The following ATP6V1B1 variants were observed in gnomAD, a reference collection of about 807,000 sequenced individuals.
ATP6V1B1 encodes the protein V-type proton ATPase subunit B, kidney isoform.
ATP6V1B1 carries 41 observed loss-of-function variants against 62.1 expected under a neutral mutation model. The ratio of observed to expected loss-of-function variants is 0.66; its 90% CI spans 0.51 to 0.86. The LOEUF is 0.86. Ranked by LOEUF, ATP6V1B1 falls within the 40% of genes least tolerant of loss-of-function variation. The pLI is 0.00. For missense variants in ATP6V1B1, 651 were observed against 697.5 expected, an observed-to-expected ratio of 0.93 and a Z score of 0.75; for synonymous variants, 253 against 273.4, an observed-to-expected ratio of 0.93 and a Z score of 0.74.
At chr2:70,942,540 G>A in intron 1 of ATP6V1B1, 1 of 396,324 alleles carries the variant, frequency 2.5e-6, no homozygotes, top group Non-Finnish European at 4.4e-6. Context: ...GGTGGCTCGG[G>A]GCCAGGCTTG....
Position 70,963,303 on chromosome 2 carries a change from C to A in ATP6V1B1, c.1051C>A (p.Pro351Thr). 1.9e-6 allele frequency: 3 copies of A among 1,613,078 alleles called. No homozygotes were observed. The highest frequency in any genetic ancestry group is 2.5e-6 in the Non-Finnish European group (3 of 1,180,016). ...SITQIPILTM[P>T]NDDITHPIPD... ...CACACAGATCCCCATCCTCACCATG[C>A]CCAACGACGGTAGCCTCCTCACAGC... Residue 351 changes from proline to threonine, a missense_variant, in exon 10 of 14, where the codon CCC becomes ACC. Pro to Thr is a conservative substitution (Grantham distance 38, BLOSUM62 -1). Transcript: ENST00000234396. The surrounding 1 kb of genome is among the most constrained non-coding windows in gnomAD (Gnocchi z 4.3).
chr2:70,938,751 T>A, intron 1 of ATP6V1B1: 1 of 985,324 alleles, frequency 1.0e-6, no homozygotes, highest in Non-Finnish European at 1.2e-6. Context: ...GGAGGAGGTA[T>A]CCTGGAGCTT....
intron 1 of ATP6V1B1, chr2:70,942,288 C>T (rs1572907046): frequency 2.5e-6 from 1 of 399,042 alleles, no homozygotes; most frequent in East Asian, 3.6e-5. Context: ...AGGGAGATCC[C>T]CTGCTCTGGC....
At chr2:70,937,054 G>A (rs1679870844) in intron 1 of ATP6V1B1, among the ~76,000 whole-genome samples, 1 of 151,348 alleles carries the variant, frequency 6.6e-6, no homozygotes, top group South Asian at 2.1e-4. Flanking sequence ...AACCAGCATG[G>A]CCCGCCACAG....
chr2:70,943,199 C>T (rs1382798285), intron 1 of ATP6V1B1, among the ~76,000 whole-genome samples: 2 of 152,188 alleles, frequency 1.3e-5, no homozygotes, highest in Non-Finnish European at 2.9e-5. Context: ...CACACACACA[C>T]ACACACACTG....
intron 1 of ATP6V1B1, among the ~76,000 whole-genome samples, chr2:70,942,724 T>A (rs541625395): frequency 1.3e-5 from 2 of 152,216 alleles, no homozygotes; most frequent in Non-Finnish European, 1.5e-5. Flanking sequence ...CACTCCCCTC[T>A]GCATCCTGCC....
chr2:70,963,012 C>G lies in ATP6V1B1; in HGVS notation c.909+112C>G. On this transcript the variant is annotated intron_variant, in intron 9 of 13. Coordinates refer to ENST00000234396, the MANE Select transcript of ATP6V1B1 (RefSeq NM_001692.4). The surrounding 1 kb of genome is among the most constrained non-coding windows in gnomAD (Gnocchi z 4.3). ...AGCTGGTCCACCCAAGCCTGCCCCA[C>G]TCCCATGAGTTCCAGGGCTTGGTCT... 1 of 1,599,340 alleles carries G rather than the reference C, an allele frequency of 6.3e-7. No individual in the cohort carries two copies. Among genetic ancestry groups the G allele is most frequent in the South Asian group, 1.1e-5 (1 of 90,004 alleles).
intron 2 of ATP6V1B1, among the ~76,000 whole-genome samples, chr2:70,956,941 G>T (rs1242385358): frequency 6.6e-6 from 1 of 151,988 alleles, no homozygotes; most frequent in African/African-American, 2.4e-5. Context: ...TCTCATTGTG[G>T]TTTTGATTTT....
chr2:70,944,190 C>T (rs961195950), intron 2 of ATP6V1B1: 23 of 1,289,770 alleles, frequency 1.8e-5, no homozygotes, highest in Non-Finnish European at 2.3e-5. Context: ...TGATGGCCTC[C>T]AAAGGCCTTT....
chr2:70,950,932 ATTTTTTTTT>A lies in ATP6V1B1; in HGVS notation c.175-7095_175-7087del, dbSNP rs55871344. ...ACTGTGTGTGCATAATTTTTTCCTG[ATTTTTTTTT>A]TTTTTTTTTTTTTTTTTTGAGACGG... On this transcript the variant is annotated intron_variant, in intron 2 of 13. Transcript: ENST00000234396. 2.1e-3 allele frequency among the ~76,000 whole-genome samples: 137 copies of A among 64,618 alleles called. 1 individual carries two copies. In the East Asian group the frequency reaches 0.026, roughly 12 times the overall value. The allele number at this position is 64,618 out of a possible 152,430, so 42.4% of individuals were successfully genotyped here.
In ATP6V1B1 at chr2:70,962,895, C is replaced by A. The variant is rs876657431; in HGVS notation, c.904C>A (p.Arg302=). 1.9e-6 allele frequency: 3 copies of A among 1,613,998 alleles called. No homozygotes were observed. The highest frequency in any genetic ancestry group is 2.2e-5 in the East Asian group (1 of 44,876). The change falls in exon 9 of 14, where the codon CGG becomes AGG. Residue 302 remains arginine, a synonymous_variant. Coordinates refer to ENST00000234396, the MANE Select transcript of ATP6V1B1 (RefSeq NM_001692.4). ...TDMSSYAEAL[R]EVSAAREEVP... is the part of the protein sequence containing the mutation. ...CATGAGTTCCTATGCAGAGGCCTTG[C>A]GGGAGGTAAGCTGGCTAGCAAGGGG...
rs535833497 is a variant in ATP6V1B1 at position 70,961,713 on chromosome 2, C to T, written c.785+20C>T. On this transcript the variant is annotated intron_variant, in intron 8 of 13. Coordinates refer to ENST00000234396, the MANE Select transcript of ATP6V1B1 (RefSeq NM_001692.4). The stretch of plus-strand genomic sequence containing the variant: ...CCCCACGTGAGCTTTCCCTGATGCC[C>T]AAACTGCCCTCAGGTGGGCAGACCC... 9 of 1,612,138 alleles carry T rather than the reference C, an allele frequency of 5.6e-6. No individual in the cohort carries two copies. The highest frequency in any genetic ancestry group is 1.7e-4 in the Middle Eastern group (1 of 6,060).
At chr2:70,943,406 TCTGAGGAGGC>T in intron 1 of ATP6V1B1, 1 of 635,070 alleles carries the variant, frequency 1.6e-6, no homozygotes, top group South Asian at 1.7e-5. Context: ...GGGGGCGGAC[TCTGAGGAGGC>T]CTCTGCCCTC....
In ATP6V1B1 at chr2:70,947,381, T is replaced by A. The variant is rs140392652; in HGVS notation, c.174+3668T>A. 4.2e-3 allele frequency among the ~76,000 whole-genome samples: 643 copies of A among 152,228 alleles called. 2 individuals are homozygous for A. The highest frequency in any genetic ancestry group is 0.015 in the African/African-American group (608 of 41,514). ...GAGCTCTGATTCAGCATGCCTGGGG[T>A]AGGAGGCCCAAGAATGTACATTTCT... On this transcript the variant is annotated intron_variant, in intron 2 of 13. Transcript: ENST00000234396.
At position 70,943,666 on chromosome 2, in the gene ATP6V1B1, A is replaced by G. The variant is rs1553416782; in HGVS notation, c.127A>G (p.Thr43Ala). 3 of 1,613,810 alleles carry G rather than the reference A, an allele frequency of 1.9e-6. No individual in the cohort carries two copies. The highest frequency in any genetic ancestry group is 3.3e-5 in the Admixed American group (2 of 60,018). ...YITHPRVTYR[T>A]VCSVNGPLVV... ...CCCCGCCCCTCCCCCAGCCTACAGG[A>G]CTGTGTGCAGCGTGAACGGGCCCCT... The change falls in exon 2 of 14, where the codon ACT (threonine) becomes GCT (alanine). Residue 43 changes from threonine (T) to alanine (A), a missense_variant. Thr to Ala is a moderately conservative substitution (Grantham distance 58, BLOSUM62 0). Transcript: ENST00000234396.
intron 1 of ATP6V1B1, 60 bp from the exon 2 acceptor site, chr2:70,943,598 C>G: frequency 1.9e-6 from 3 of 1,554,758 alleles, no homozygotes; most frequent in East Asian, 2.3e-5. Context: ...GAGGATGCCT[C>G]TGTGTGTGTG....
intron 2 of ATP6V1B1, among the ~76,000 whole-genome samples, chr2:70,950,932 ATTTTTTTTTTTTTTTTT>A (rs55871344): frequency 3.1e-5 from 2 of 64,604 alleles, no homozygotes; most frequent in Admixed American, 2.2e-4. Flanking sequence ...TTTTTTCCTG[ATTTTTTTTTTTTTTTTT>A]TTTTTTTTTT....
intron 1 of ATP6V1B1, chr2:70,938,841 A>G (rs1367188926): frequency 1.0e-6 from 1 of 975,264 alleles, no homozygotes; most frequent in African/African-American, 1.8e-5. Flanking sequence ...ACAAGCTGGC[A>G]GCCTGGTTGG....
intron 1 of ATP6V1B1, chr2:70,941,920 C>G: frequency 1.0e-6 from 1 of 991,084 alleles, no homozygotes; most frequent in Non-Finnish European, 1.2e-6. Flanking sequence ...CCACTGAAGC[C>G]AGAGTGGAGA....
Sources: gnomAD v4.1 joint callset for allele counts (sites outside exome capture counted in the v4.1 genomes callset) on GRCh38, gnomAD v4.1.1 for gene constraint, Gnocchi (gnomAD v3.1) non-coding constraint, MANE v1.5 for transcripts, NCBI Gene and HGNC (gene_info 2026-07-23, HGNC 2026-07-21) for gene names.